The following PLXDC2 variants were observed in gnomAD, a reference collection of about 807,000 sequenced individuals.
The protein encoded by PLXDC2 is plexin domain containing 2.
A neutral mutation model predicts 68.9 loss-of-function variants in PLXDC2; 40 were observed. The ratio of observed to expected loss-of-function variants is 0.58; its 90% CI spans 0.45 to 0.76. The LOEUF is 0.76. Ranked by LOEUF, PLXDC2 falls within the 30% of genes least tolerant of loss-of-function variation. PLXDC2 has a pLI of 0.00. For synonymous variants in PLXDC2, 243 were observed against 234.2 expected, an observed-to-expected ratio of 1.04 and a Z score of -0.34; for missense variants, 644 against 661.9, an observed-to-expected ratio of 0.97 and a Z score of 0.30.
intron 13 of PLXDC2, among the ~76,000 whole-genome samples, chr10:20,276,813 C>T (rs1836012460): frequency 6.6e-6 from 1 of 152,156 alleles, no homozygotes; most frequent in African/African-American, 2.4e-5. Flanking sequence ...AAGTTTGTGA[C>T]AGGGCTGGAC....
chr10:20,223,553 T>C (rs1395958954), intron 12 of PLXDC2, among the ~76,000 whole-genome samples: 1 of 152,104 alleles, frequency 6.6e-6, no homozygotes. Flanking sequence ...CCTCAGGTGA[T>C]CCACCTGCCT....
chr10:19,891,838 T>C (rs1164039920), intron 1 of PLXDC2, among the ~76,000 whole-genome samples: 4 of 152,250 alleles, frequency 2.6e-5, no homozygotes, highest in Admixed American at 1.3e-4. Context: ...AGCCAAATAA[T>C]ATTACATGTG....
intron 12 of PLXDC2, among the ~76,000 whole-genome samples, chr10:20,230,099 G>GT (rs1835341062): frequency 6.6e-6 from 1 of 152,088 alleles, no homozygotes; most frequent in Admixed American, 6.5e-5. Flanking sequence ...AAACATACTA[G>GT]TAACTATTTC....
intron 2 of PLXDC2, among the ~76,000 whole-genome samples, chr10:20,029,695 A>G (rs1835467690): frequency 6.6e-6 from 1 of 152,248 alleles, no homozygotes; most frequent in South Asian, 2.1e-4. Flanking sequence ...CCAGGTTTAT[A>G]GATCGGAAAG....
intron 13 of PLXDC2, among the ~76,000 whole-genome samples, chr10:20,276,121 G>A (rs932803133): frequency 5.3e-5 from 8 of 151,972 alleles, no homozygotes; most frequent in East Asian, 1.9e-4. Flanking sequence ...ATTTCTAATC[G>A]ACTGCTTGAC....
Position 20,195,883 on chromosome 10 carries a change from G to A in PLXDC2, c.1062-15786G>A, listed in dbSNP as rs572038988. On this transcript the variant is annotated intron_variant, in intron 9 of 13. Transcript: ENST00000377252. ...CACTGAACAAAATCTACTGGTGACA[G>A]GACAGCATTTTACAGAGGTACAGCA... Among the ~76,000 whole-genome samples, 3 of 152,192 alleles carry A rather than the reference G, an allele frequency of 2.0e-5. No homozygotes were observed. The South Asian group carries it at 6.2e-4, about 32-fold the overall frequency.
At chr10:20,090,477 C>T (rs1833261913) in intron 4 of PLXDC2, among the ~76,000 whole-genome samples, 1 of 152,032 alleles carries the variant, frequency 6.6e-6, no homozygotes, top group African/African-American at 2.4e-5. Context: ...TACCCCCATG[C>T]CCTGGAAACA....
chr10:20,229,011 A>T (rs183811854), intron 12 of PLXDC2, among the ~76,000 whole-genome samples: 51 of 152,300 alleles, frequency 3.3e-4, no homozygotes, highest in Middle Eastern at 3.4e-3. Flanking sequence ...ATTGGAGTCC[A>T]CAAGGACAGA....
intron 2 of PLXDC2, among the ~76,000 whole-genome samples, chr10:20,038,026 C>T (rs1000614551): frequency 5.3e-5 from 8 of 151,920 alleles, no homozygotes; most frequent in Non-Finnish European, 1.0e-4. Flanking sequence ...GGGCGGATGA[C>T]GAGGTCAGGA....
chr10:20,030,136 C>G (rs1329099625), intron 2 of PLXDC2, among the ~76,000 whole-genome samples: 6 of 152,126 alleles, frequency 3.9e-5, no homozygotes, highest in Admixed American at 3.9e-4. Flanking sequence ...TACAGCATCT[C>G]TTTGGGGCAG....
chr10:20,087,832 T>C (rs1403540916), intron 4 of PLXDC2, among the ~76,000 whole-genome samples: 1 of 152,196 alleles, frequency 6.6e-6, no homozygotes, highest in Non-Finnish European at 1.5e-5. Context: ...TTGTATTTCA[T>C]CCGAATTTTT....
intron 1 of PLXDC2, among the ~76,000 whole-genome samples, chr10:19,913,587 G>A (rs965221636): frequency 4.6e-5 from 7 of 151,924 alleles, no homozygotes; most frequent in East Asian, 1.9e-4. Context: ...AACTTAAGTC[G>A]TTTCTTAAAA....
chr10:19,887,844 T>C (rs1209532910), intron 1 of PLXDC2, among the ~76,000 whole-genome samples: 3 of 152,204 alleles, frequency 2.0e-5, no homozygotes, highest in Non-Finnish European at 4.4e-5. Flanking sequence ...GAAATAGTAA[T>C]AGAGAGCTTT....
intron 2 of PLXDC2, among the ~76,000 whole-genome samples, chr10:20,045,508 C>A (rs1258514917): frequency 6.6e-6 from 1 of 152,150 alleles, no homozygotes; most frequent in Non-Finnish European, 1.5e-5. Context: ...AACATTTAAT[C>A]ACTATTCTCA....
In PLXDC2 at chr10:20,149,229, CTTTTTTTT is replaced by C. The variant is rs71200986; in HGVS notation, c.783+1346_783+1353del. On this transcript the variant is annotated intron_variant, in intron 6 of 13. Coordinates refer to ENST00000377252, the MANE Select transcript of PLXDC2 (RefSeq NM_032812.9). ...ATTTTTCTTTCTTTTTTTTTCTTTT[CTTTTTTTT>C]TTTTTTTTTTTTTTTTTTGAGTTGG... 1.3e-3 allele frequency among the ~76,000 whole-genome samples: 46 copies of C among 34,942 alleles called. 1 individual carries two copies. Among genetic ancestry groups the C allele is most frequent in the African/African-American group, 4.7e-3 (40 of 8,436 alleles). The allele number at this position is 34,942 out of a possible 152,430, so 22.9% of individuals were successfully genotyped here.
chr10:19,957,101 A>G (rs940622820), intron 1 of PLXDC2, among the ~76,000 whole-genome samples: 5 of 152,214 alleles, frequency 3.3e-5, no homozygotes, highest in Non-Finnish European at 5.9e-5. Context: ...ATCATAAAAA[A>G]GATTTATATG....
In PLXDC2 at chr10:20,185,487, A is replaced by G. The variant is rs202144341; in HGVS notation, c.1061+8078A>G. On this transcript the variant is annotated intron_variant, in intron 9 of 13. Transcript: ENST00000377252. ...GGACTAATTTAGCTATAAGAATTTTAAGATTGAAAGGAGAGAATTAGGACA... is the reference window on the plus strand; with the variant it reads ...GGACTAATTTAGCTATAAGAATTTTGAGATTGAAAGGAGAGAATTAGGACA... 1.2e-4 allele frequency among the ~76,000 whole-genome samples: 18 copies of G among 152,092 alleles called. No individual in the cohort carries two copies. The East Asian group carries it at 2.5e-3, about 21-fold the overall frequency.
intron 2 of PLXDC2, among the ~76,000 whole-genome samples, chr10:20,036,826 T>G (rs57329680): frequency 0.018 from 2,693 of 152,312 alleles, 76 homozygotes; most frequent in African/African-American, 0.061. Context: ...TATATTCCCT[T>G]CAACACATTT....
At chr10:19,869,481 A>AG (rs1837491879) in intron 1 of PLXDC2, among the ~76,000 whole-genome samples, 6 of 13,372 alleles carry the variant, frequency 4.5e-4, no homozygotes, top group African/African-American at 6.4e-4. Context: ...GGGGGGGGGG[A>AG]GAGGGTGGGA....
Sources: allele counts gnomAD v4.1 joint callset (sites outside exome capture counted in the v4.1 genomes callset), GRCh38; gene constraint gnomAD v4.1.1; transcripts MANE v1.5; gene names NCBI Gene and HGNC (gene_info 2026-07-23, HGNC 2026-07-21).